PPFIBP1: variants seen among roughly 807,000 people sequenced by gnomAD.
The protein encoded by PPFIBP1 is liprin-beta-1.
A neutral mutation model predicts 137.8 loss-of-function variants in PPFIBP1; 112 were observed. The observed-to-expected ratio is 0.81, with a 90% CI of 0.70 to 0.95. PPFIBP1 has a LOEUF of 0.95. Among genes scored for constraint, PPFIBP1 ranks in the 40% least tolerant of loss-of-function variants. PPFIBP1 has a pLI of 0.00. For missense variants in PPFIBP1, 1,083 were observed against 1,196.6 expected, an observed-to-expected ratio of 0.91 and a Z score of 1.40; for synonymous variants, 378 against 417.3, an observed-to-expected ratio of 0.91 and a Z score of 1.15.
At position 27,686,403 on chromosome 12, in the gene PPFIBP1, T is replaced by C. The variant is rs183132049; in HGVS notation, c.2248-982T>C. 1.3e-4 allele frequency among the ~76,000 whole-genome samples: 20 copies of C among 152,356 alleles called. No individual in the cohort carries two copies. The East Asian group carries it at 3.9e-3, about 29-fold the overall frequency. On this transcript the variant is annotated intron_variant, in intron 24 of 29. Transcript: ENST00000228425. Reference sequence around the variant, plus strand: ...TATCACCTTCTTCTGAAATAATTTGTTTTGGTGTGTTTGGTATATTTGAAA... The same window carrying C: ...TATCACCTTCTTCTGAAATAATTTGCTTTGGTGTGTTTGGTATATTTGAAA...
At chr12:27,677,160 C>G in intron 19 of PPFIBP1, 64 bp downstream of exon 19, 2 of 1,585,698 alleles carry the variant, frequency 1.3e-6, no homozygotes, top group Admixed American at 3.3e-5. Context: ...AATCCCTGCT[C>G]TTGGCATCTG....
rs114568820 is a variant in PPFIBP1, at chr12:27,655,347, C to T, written c.696+533C>T. ...TGCATTCATTCTGTGTGTGTGTCAC[C>T]TGTTGATTACAAATCACCTCAAGCT... On this transcript the variant is annotated intron_variant, in intron 8 of 29. Coordinates refer to ENST00000228425, the MANE Select transcript of PPFIBP1 (RefSeq NM_003622.4). 4,256 of 734,200 alleles carry T rather than the reference C, an allele frequency of 5.8e-3. 124 individuals are homozygous for T. In the African/African-American group the frequency reaches 0.065, roughly 11 times the overall value. 45.5% of individuals were successfully genotyped at this position (734,200 alleles called of 1,614,324 possible).
In PPFIBP1 at chr12:27,680,042, G is replaced by A; in HGVS notation, c.1876G>A (p.Asp626Asn). ...TAGPRLGWSR[D>N]LGQSNSDLDM... is the part of the protein sequence containing the mutation. Reference sequence around the variant, plus strand: ...GGGGCCCCGATTAGGTTGGTCTCGAGACTTGGGACAGTCTAACAGGTAAGA... The same window carrying A: ...GGGGCCCCGATTAGGTTGGTCTCGAAACTTGGGACAGTCTAACAGGTAAGA... Residue 626 changes from aspartate (D) to asparagine (N), a missense_variant, in exon 21 of 30, where the codon GAC becomes AAC. By Grantham distance (23) the Asp-to-Asn change is conservative. Coordinates refer to ENST00000228425, the MANE Select transcript of PPFIBP1 (RefSeq NM_003622.4). 1 of 1,614,080 alleles carries A rather than the reference G, an allele frequency of 6.2e-7. No homozygotes were observed. Among genetic ancestry groups the A allele is most frequent in the Non-Finnish European group, 8.5e-7 (1 of 1,179,960 alleles).
intron 1 of PPFIBP1, among the ~76,000 whole-genome samples, chr12:27,572,730 A>C (rs1326000158): frequency 1.3e-5 from 2 of 152,210 alleles, no homozygotes; most frequent in Non-Finnish European, 2.9e-5. Context: ...TTTACAACAC[A>C]GTGCTTAGTA....
chr12:27,683,986 ACCATGTTAG>A (rs1252339592), intron 24 of PPFIBP1, among the ~76,000 whole-genome samples: 4 of 151,850 alleles, frequency 2.6e-5, no homozygotes, highest in Non-Finnish European at 4.4e-5. Flanking sequence ...ACGGGGTTTC[ACCATGTTAG>A]CCAGGATGGT....
intron 1 of PPFIBP1, among the ~76,000 whole-genome samples, chr12:27,539,657 G>A (rs75379670): frequency 0.012 from 1,791 of 152,198 alleles, 16 homozygotes; most frequent in Non-Finnish European, 0.02. Context: ...CTAGCTGCTG[G>A]ATTTCCATCT....
chr12:27,676,675 C>G (rs2060533193), intron 18 of PPFIBP1, 76 bp downstream of exon 18: 1 of 1,298,956 alleles, frequency 7.7e-7, no homozygotes, highest in African/African-American at 1.5e-5. Flanking sequence ...TTCCCTTACT[C>G]TTTCATTCAT....
At chr12:27,622,035 C>G (rs2056391206) in intron 2 of PPFIBP1, among the ~76,000 whole-genome samples, 1 of 152,224 alleles carries the variant, frequency 6.6e-6, no homozygotes, top group South Asian at 2.1e-4. Context: ...TTTGTGTCAC[C>G]TCTTCTGAAC....
Position 27,625,293 on chromosome 12 carries a change from C to A in PPFIBP1, c.-35-8069C>A, listed in dbSNP as rs1334358686. ...GATAGAATAGTATAGTGTACCCCTA[C>A]ATACCACCACCCATTTTCAACAATT... is the stretch of plus-strand genomic sequence containing the variant. On this transcript the variant is annotated intron_variant, in intron 2 of 29. Transcript: ENST00000228425. Among the ~76,000 whole-genome samples the A allele has an allele frequency of 2.0e-5, 3 of 152,276 alleles. No homozygotes were observed. The East Asian group carries it at 5.8e-4, about 29-fold the overall frequency.
At chr12:27,531,763 C>A (rs1247321221) in intron 1 of PPFIBP1, among the ~76,000 whole-genome samples, 1 of 152,152 alleles carries the variant, frequency 6.6e-6, no homozygotes, top group East Asian at 1.9e-4. Flanking sequence ...TTTATAGCTA[C>A]AATCCCTTGA....
At chr12:27,578,856 C>A (rs1245859549) in intron 2 of PPFIBP1, among the ~76,000 whole-genome samples, 1 of 152,218 alleles carries the variant, frequency 6.6e-6, no homozygotes, top group Non-Finnish European at 1.5e-5. Context: ...CTTCAAGGCA[C>A]CCTTGCAGGG....
At chr12:27,588,191 G>A (rs568727886) in intron 2 of PPFIBP1, among the ~76,000 whole-genome samples, 1 of 152,174 alleles carries the variant, frequency 6.6e-6, no homozygotes, top group Non-Finnish European at 1.5e-5. Flanking sequence ...TAATCACTTG[G>A]CTAAGTTGGT....
intron 7 of PPFIBP1, among the ~76,000 whole-genome samples, chr12:27,651,675 T>G (rs2058883321): frequency 6.6e-6 from 1 of 152,152 alleles, no homozygotes; most frequent in Admixed American, 6.6e-5. Flanking sequence ...AGGGAAGAAT[T>G]GATGGTAGAT....
chr12:27,652,078 T>A (rs2058908310), intron 7 of PPFIBP1, among the ~76,000 whole-genome samples: 1 of 152,230 alleles, frequency 6.6e-6, no homozygotes, highest in Non-Finnish European at 1.5e-5. Context: ...ATTAAAATAA[T>A]CTTCAACATT....
chr12:27,679,120 G>C (rs2140330857), intron 19 of PPFIBP1, among the ~76,000 whole-genome samples: 1 of 152,242 alleles, frequency 6.6e-6, no homozygotes, highest in South Asian at 2.1e-4. Flanking sequence ...AGATGTAGGA[G>C]AGTGGTCATG....
At chr12:27,665,120 G>A (rs1212436216) in intron 12 of PPFIBP1, among the ~76,000 whole-genome samples, 3 of 152,270 alleles carry the variant, frequency 2.0e-5, no homozygotes, top group South Asian at 2.1e-4. Context: ...CCCGGGAAGC[G>A]GAGGTTGCAG....
At chr12:27,639,678 A>G (rs2057965107) in intron 4 of PPFIBP1, among the ~76,000 whole-genome samples, 1 of 152,266 alleles carries the variant, frequency 6.6e-6, no homozygotes, top group Non-Finnish European at 1.5e-5. Context: ...AAACAGGTGA[A>G]GTGAGGTGTT....
chr12:27,580,365 C>A (rs1287312653), intron 2 of PPFIBP1, among the ~76,000 whole-genome samples: 2 of 152,286 alleles, frequency 1.3e-5, no homozygotes, highest in African/African-American at 2.4e-5. Context: ...TGCCTTAAGA[C>A]CTTTCTGCAT....
At chr12:27,574,763 T>C (rs1020061347) in intron 1 of PPFIBP1, among the ~76,000 whole-genome samples, 2 of 152,224 alleles carry the variant, frequency 1.3e-5, no homozygotes, top group Non-Finnish European at 2.9e-5. Flanking sequence ...GTTCTGGTCC[T>C]GATTTCTCCA....
Sources: allele counts gnomAD v4.1 joint callset (sites outside exome capture counted in the v4.1 genomes callset), GRCh38; gene constraint gnomAD v4.1.1; transcripts MANE v1.5; gene names NCBI Gene and HGNC (gene_info 2026-07-23, HGNC 2026-07-21).